The following IL1RAPL2 variants were observed in gnomAD, a reference collection of about 807,000 sequenced individuals.
IL1RAPL2 encodes the protein interleukin 1 receptor accessory protein like 2.
IL1RAPL2 carries 3 observed loss-of-function variants against 44.1 expected under a neutral mutation model. The ratio of observed to expected loss-of-function variants is 0.07; its 90% CI spans 0.03 to 0.18. IL1RAPL2 has a LOEUF of 0.18. Among genes scored for constraint, IL1RAPL2 ranks in the 10% least tolerant of loss-of-function variants. The pLI is 1.00. For missense variants in IL1RAPL2, 391 were observed against 496.4 expected (o/e 0.79, Z 2.02); for synonymous variants, 181 against 178.8 (o/e 1.01, Z -0.10).
At chrX:104,970,668 C>G (rs905517250) in intron 2 of IL1RAPL2, among the ~76,000 whole-genome samples, 3 of 111,978 alleles carry the variant, frequency 2.7e-5, no homozygotes, top group Non-Finnish European at 5.6e-5. Context: ...TGCAGAGGTG[C>G]TTTTGCCTCT....
chrX:105,447,775 T>TATGTTAAAAATATATATAAAC (rs2035980107), intron 5 of IL1RAPL2, among the ~76,000 whole-genome samples: 4 of 87,382 alleles, frequency 4.6e-5, no homozygotes, highest in African/African-American at 1.8e-4. Flanking sequence ...TATATATAAA[T>TATGTTAAAAATATATATAAAC]ATATTAAAAA....
intron 2 of IL1RAPL2, among the ~76,000 whole-genome samples, chrX:105,012,469 C>A (rs1462242035): frequency 9.1e-6 from 1 of 110,316 alleles, no homozygotes; most frequent in Middle Eastern, 4.2e-3. Flanking sequence ...TCACTTTAAG[C>A]AATAATTGAG....
intron 2 of IL1RAPL2, among the ~76,000 whole-genome samples, chrX:104,965,183 T>C (rs2030095206): frequency 9.0e-6 from 1 of 111,703 alleles, no homozygotes; most frequent in Non-Finnish European, 1.9e-5. Context: ...TTTCTATACA[T>C]GGTGTTGATT....
chrX:104,790,351 G>T (rs1432311817), intron 2 of IL1RAPL2, among the ~76,000 whole-genome samples: 1 of 111,135 alleles, frequency 9.0e-6, no homozygotes, highest in Non-Finnish European at 1.9e-5. Context: ...TTGGCTCAAT[G>T]TAGTCATTTT....
In IL1RAPL2 at chrX:104,585,210, ACAC is replaced by A. The variant is rs1569487883; in HGVS notation, c.-20+18160_-20+18162del. 2.2e-3 allele frequency among the ~76,000 whole-genome samples: 134 copies of A among 59,835 alleles called. 9 individuals are homozygous for A. The highest frequency in any genetic ancestry group is 0.011 in the African/African-American group (127 of 11,376). 52.0% of individuals were successfully genotyped at this position (59,835 alleles called of 115,157 possible). Reference sequence around the variant, plus strand: ...ACACACATGTATATGTATTATATATACACATATATGTATATATGTGTATATATA... The same window carrying A: ...ACACACATGTATATGTATTATATATAATATATGTATATATGTGTATATATA... On this transcript the variant is annotated intron_variant, in intron 1 of 10. Transcript: ENST00000372582.
intron 2 of IL1RAPL2, among the ~76,000 whole-genome samples, chrX:104,799,527 C>G (rs1052879442): frequency 9.0e-6 from 1 of 111,578 alleles, no homozygotes; most frequent in Non-Finnish European, 1.9e-5. Flanking sequence ...GACCACATTT[C>G]GAGAACCATT....
chrX:105,303,853 G>T (rs1346576783), intron 5 of IL1RAPL2, among the ~76,000 whole-genome samples: 5 of 112,743 alleles, frequency 4.4e-5, no homozygotes, highest in South Asian at 3.6e-4. Flanking sequence ...CTCCGAAGAG[G>T]TCACAAGACC....
intron 2 of IL1RAPL2, among the ~76,000 whole-genome samples, chrX:104,734,290 G>A (rs1039163127): frequency 5.4e-5 from 6 of 112,093 alleles, no homozygotes; most frequent in Non-Finnish European, 1.1e-4. Context: ...GAGCAATTGC[G>A]CTTTTGGGCA....
At position 104,887,940 on chromosome X, in the gene IL1RAPL2, C is replaced by T. The variant is rs369237537; in HGVS notation, c.82+228945C>T. Reference sequence around the variant, plus strand: ...AGTGGCACTTACCCGAGCCTTAGAACTGCGAAAGGGAAAAAGAATAAATGT... The same window carrying T: ...AGTGGCACTTACCCGAGCCTTAGAATTGCGAAAGGGAAAAAGAATAAATGT... On this transcript the variant is annotated intron_variant, in intron 2 of 10. Coordinates refer to ENST00000372582, the MANE Select transcript of IL1RAPL2 (RefSeq NM_017416.2). Among the ~76,000 whole-genome samples, 6 of 111,545 alleles carry T rather than the reference C, an allele frequency of 5.4e-5. No homozygotes were observed. In the East Asian group the frequency reaches 1.7e-3, roughly 31 times the overall value.
intron 6 of IL1RAPL2, among the ~76,000 whole-genome samples, chrX:105,605,190 A>G (rs372891946): frequency 3.6e-5 from 4 of 111,390 alleles, no homozygotes; most frequent in South Asian, 7.5e-4. Flanking sequence ...GATCTTATAC[A>G]TATATAAATA....
intron 2 of IL1RAPL2, among the ~76,000 whole-genome samples, chrX:104,819,567 T>G (rs1200952695): frequency 2.7e-5 from 3 of 111,996 alleles, no homozygotes; most frequent in African/African-American, 9.7e-5. Flanking sequence ...TTAGCAACTG[T>G]ACTTCAAAGA....
chrX:104,761,939 C>A (rs1932459729), intron 2 of IL1RAPL2, among the ~76,000 whole-genome samples: 1 of 66,661 alleles, frequency 1.5e-5, no homozygotes, highest in Non-Finnish European at 2.5e-5. Context: ...TCTTCTTCTT[C>A]TTCTTCTTCT....
chrX:105,690,615 TTTGAA>T (rs2038027536), intron 6 of IL1RAPL2, among the ~76,000 whole-genome samples: 1 of 112,201 alleles, frequency 8.9e-6, no homozygotes, highest in African/African-American at 3.2e-5. Flanking sequence ...CTTAAAATGT[TTTGAA>T]TTGGTTTCTG....
At chrX:105,521,869 C>T (rs771478668) in intron 6 of IL1RAPL2, among the ~76,000 whole-genome samples, 2 of 112,378 alleles carry the variant, frequency 1.8e-5, no homozygotes, top group East Asian at 5.6e-4. Context: ...GAGACCCTGT[C>T]TGTATAACTA....
At chrX:105,101,723 G>A (rs918718238) in intron 2 of IL1RAPL2, among the ~76,000 whole-genome samples, 2 of 111,486 alleles carry the variant, frequency 1.8e-5, no homozygotes, top group Non-Finnish European at 3.8e-5. Context: ...TATCCCCTTT[G>A]GCAGGTATAT....
intron 2 of IL1RAPL2, among the ~76,000 whole-genome samples, chrX:104,874,943 G>A (rs1290744068): frequency 6.3e-5 from 7 of 111,241 alleles, no homozygotes; most frequent in Non-Finnish European, 1.3e-4. Context: ...ATTTTAGTGG[G>A]GTATACTTAT....
chrX:104,599,208 A>G (rs749361877), intron 1 of IL1RAPL2, among the ~76,000 whole-genome samples: 125 of 111,897 alleles, frequency 1.1e-3, no homozygotes, highest in African/African-American at 3.9e-3. Flanking sequence ...GTTAGTTTAA[A>G]TGAATGAGCA....
At position 105,323,819 on chromosome X, in the gene IL1RAPL2, C is replaced by T. The variant is rs766582148; in HGVS notation, c.697+56278C>T. ...TGCGCTCAGGAGGTGGAGGTTGCAG[C>T]GAGCTGAGATTGCACCACTGCACTC... On this transcript the variant is annotated intron_variant, in intron 5 of 10. Coordinates refer to ENST00000372582, the MANE Select transcript of IL1RAPL2 (RefSeq NM_017416.2). Among the ~76,000 whole-genome samples, 4 of 109,102 alleles carry T rather than the reference C, an allele frequency of 3.7e-5. No homozygotes were observed. In the South Asian group the frequency reaches 1.6e-3, roughly 44 times the overall value. The allele number at this position is 109,102 out of a possible 115,157, so 94.7% of individuals were successfully genotyped here. A position where few individuals can be genotyped will look rare whatever the true frequency, so the allele number is the denominator to read the frequency against.
intron 2 of IL1RAPL2, among the ~76,000 whole-genome samples, chrX:105,005,100 G>A (rs1170827316): frequency 9.0e-6 from 1 of 110,969 alleles, no homozygotes; most frequent in African/African-American, 3.3e-5. Context: ...TGAATACCAT[G>A]TTGCATAGAG....
Sources: allele counts gnomAD v4.1 joint callset (sites outside exome capture counted in the v4.1 genomes callset), GRCh38; gene constraint gnomAD v4.1.1; transcripts MANE v1.5; gene names NCBI Gene and HGNC (gene_info 2026-07-23, HGNC 2026-07-21).